The following BSN variants were observed in gnomAD, a reference collection of about 807,000 sequenced individuals.
The protein encoded by BSN is protein bassoon.
A neutral mutation model predicts 264.8 loss-of-function variants in BSN; 57 were observed. The observed-to-expected ratio is 0.22, with a 90% CI of 0.17 to 0.27. BSN has a LOEUF of 0.27. Ranked by LOEUF, BSN falls within the 10% of genes least tolerant of loss-of-function variation. The pLI is 1.00. For missense variants in BSN, 4,615 were observed against 5,232.5 expected (o/e 0.88, Z 3.64); for synonymous variants, 2,059 against 2,137.3 (o/e 0.96, Z 1.01).
chr3:49,643,003 A>C lies in BSN; in HGVS notation c.1369A>C (p.Thr457Pro), dbSNP rs753283069. Residue 457 changes from threonine (T) to proline (P), a missense_variant, in exon 3 of 12, where the codon ACC becomes CCC. Thr to Pro is a conservative substitution (Grantham distance 38). Transcript: ENST00000296452. ...AASKAAAKPK[T>P]MPKERAICPL... Reference sequence around the variant, plus strand: ...ATCGAAGGCTGCTGCCAAGCCAAAGACCATGCCGAAGGAAAGGGCCATCTG... The same window carrying C: ...ATCGAAGGCTGCTGCCAAGCCAAAGCCCATGCCGAAGGAAAGGGCCATCTG... 2 of 1,613,954 alleles carry C rather than the reference A, an allele frequency of 1.2e-6. No homozygotes were observed. Among genetic ancestry groups the C allele is most frequent in the Non-Finnish European group, 1.7e-6 (2 of 1,180,014 alleles).
In BSN at chr3:49,663,412, G is replaced by A; in HGVS notation, c.11254G>A (p.Ala3752Thr). The A allele has an allele frequency of 1.9e-6, 3 of 1,612,822 alleles. No individual in the cohort carries two copies. Among genetic ancestry groups the A allele is most frequent in the Non-Finnish European group, 2.5e-6 (3 of 1,179,992 alleles). The change falls in exon 7 of 12, where the codon GCA (alanine) becomes ACA (threonine). Residue 3752 changes from alanine (A) to threonine (T), a missense_variant. Physicochemically the swap from Ala to Thr is moderately conservative, Grantham distance 58. Coordinates refer to ENST00000296452, the MANE Select transcript of BSN (RefSeq NM_003458.4). ...GCAGCCGCAGCTGCAAGGTCGGCAG[G>A]CAGCTCCAGGACCACAGCAGTCACA... is the stretch of plus-strand genomic sequence containing the variant. ...QAQPQLQGRQ[A>T]APGPQQSQSP...
chr3:49,656,618 C>T lies in BSN; in HGVS notation c.7062C>T (p.Phe2354=), dbSNP rs755279303. The stretch of plus-strand genomic sequence containing the variant: ...GTGGGGCCCTCAGCCGGCCAGGGTT[C>T]GAGAAAGAGGAAGCATCACAGGAGG... ...GGSGALSRPG[F]EKEEASQEER... is the part of the protein sequence containing the mutation. Residue 2354 remains phenylalanine (F), a synonymous_variant, in exon 5 of 12, where the codon TTC becomes TTT. Transcript: ENST00000296452. 28 of 1,607,814 alleles carry T rather than the reference C, an allele frequency of 1.7e-5. No homozygotes were observed. The highest frequency in any genetic ancestry group is 2.7e-5 in the African/African-American group (2 of 74,808).
chr3:49,640,899 G>A (rs1324564890), intron 2 of BSN: 1 of 152,322 alleles, frequency 6.6e-6, no homozygotes, highest in Non-Finnish European at 1.5e-5. Flanking sequence ...GGGGCAGAGG[G>A]AATAAGGAGT....
Position 49,625,033 on chromosome 3 carries a change from A to G in BSN, c.283A>G (p.Thr95Ala), listed in dbSNP as rs777512475. ...PLGNQRAASP[T>A]PKQASATTPG... ...GGGTAACCAGAGAGCAGCTTCCCCA[A>G]CTCCGAAGCAGGCTTCTGCTACCAC... The change falls in exon 2 of 12, where the codon ACT becomes GCT. Residue 95 changes from threonine to alanine, a missense_variant. By Grantham distance (58) the Thr-to-Ala change is moderately conservative. Coordinates refer to ENST00000296452, the MANE Select transcript of BSN (RefSeq NM_003458.4). This position sits in a 1 kb window ranked among gnomAD's most constrained non-coding sequence, Gnocchi z 4.4. The G allele has an allele frequency of 4.4e-5, 70 of 1,584,930 alleles. No individual in the cohort carries two copies. Among genetic ancestry groups the G allele is most frequent in the Non-Finnish European group, 6.0e-5 (70 of 1,168,442 alleles).
In BSN at chr3:49,652,271, T is replaced by C; in HGVS notation, c.2715T>C (p.Tyr905=). The change falls in exon 5 of 12, where the codon TAT becomes TAC. Residue 905 remains tyrosine, a synonymous_variant. Coordinates refer to ENST00000296452, the MANE Select transcript of BSN (RefSeq NM_003458.4). ...RRLPHNATTG[Y]EELLPEGGSA... ...TGCCCCACAATGCCACCACGGGCTA[T>C]GAGGAGCTGCTCCCTGAGGGAGGCT... 6.2e-7 allele frequency: 1 copy of C among 1,601,244 alleles called. No individual in the cohort carries two copies. Among genetic ancestry groups the C allele is most frequent in the Non-Finnish European group, 8.5e-7 (1 of 1,172,780 alleles).
chr3:49,596,394 A>G (rs2052023081), intron 1 of BSN, among the ~76,000 whole-genome samples: 2 of 152,068 alleles, frequency 1.3e-5, no homozygotes, highest in African/African-American at 4.8e-5. Context: ...ACAGAGCGAG[A>G]CTCCGTCTCA....
At chr3:49,577,606 C>G (rs1158695140) in intron 1 of BSN, among the ~76,000 whole-genome samples, 1 of 150,940 alleles carries the variant, frequency 6.6e-6, no homozygotes, top group African/African-American at 2.4e-5. Context: ...GTGGCATGAT[C>G]ATGGCTTACT....
chr3:49,658,702 CG>C (rs1184044182), intron 5 of BSN, among the ~76,000 whole-genome samples: 2 of 152,212 alleles, frequency 1.3e-5, no homozygotes, highest in Non-Finnish European at 2.9e-5. Context: ...CCCATCCCAG[CG>C]GGCTGCAGTG....
intron 1 of BSN, among the ~76,000 whole-genome samples, chr3:49,601,302 G>T (rs1018806725): frequency 1.3e-5 from 2 of 152,222 alleles, no homozygotes; most frequent in Non-Finnish European, 2.9e-5. Flanking sequence ...GCAATCGTTA[G>T]AGCCACCTGG....
Position 49,664,565 on chromosome 3 carries a change from C to A in BSN, c.11740+11C>A. The A allele has an allele frequency of 6.3e-7, 1 of 1,587,488 alleles. No individual in the cohort carries two copies. Among genetic ancestry groups the A allele is most frequent in the South Asian group, 1.2e-5 (1 of 86,600 alleles). On this transcript the variant is annotated intron_variant, in intron 9 of 11. Transcript: ENST00000296452. ...GCAAACTGACGGAAGGTATGCACTG[C>A]CTGCAACTGGTCTGTGGTGGGTGGC...
intron 8 of BSN, among the ~76,000 whole-genome samples, chr3:49,664,203 T>C (rs1326661595): frequency 6.6e-6 from 1 of 152,134 alleles, no homozygotes; most frequent in African/African-American, 2.4e-5. Flanking sequence ...TGCCTTTTTT[T>C]CCCTTTCTTC....
At chr3:49,565,861 G>C (rs1300437138) in intron 1 of BSN, among the ~76,000 whole-genome samples, 15 of 151,598 alleles carry the variant, frequency 9.9e-5, no homozygotes, top group Non-Finnish European at 4.4e-5. Flanking sequence ...TCGCCCTATT[G>C]CCTAGGCTAG....
At chr3:49,649,372 C>T (rs564986945) in intron 3 of BSN, among the ~76,000 whole-genome samples, 5 of 152,200 alleles carry the variant, frequency 3.3e-5, no homozygotes, top group South Asian at 2.1e-4. Context: ...CCCTGCAGGA[C>T]GGATGGAGCA....
rs1242032082 is a variant in BSN, at chr3:49,656,899, A to G, written c.7343A>G (p.Gln2448Arg). The G allele has an allele frequency of 6.2e-7, 1 of 1,600,558 alleles. No individual in the cohort carries two copies. ...CTGCAGCGGGAACAGCTAGCGCAGC[A>G]GCGTCTGCAGCTGGAGCAGATCCAG... The part of the protein sequence containing the change: ...FALQREQLAQ[Q>R]RLQLEQIQQL... The change falls in exon 5 of 12, where the codon CAG (glutamine) becomes CGG (arginine). Residue 2448 changes from glutamine to arginine, a missense_variant. Coordinates refer to ENST00000296452, the MANE Select transcript of BSN (RefSeq NM_003458.4).
At chr3:49,650,588 AC>A in intron 3 of BSN, 23 bp from the exon 4 acceptor site, 1 of 1,566,520 alleles carries the variant, frequency 6.4e-7, no homozygotes, top group Non-Finnish European at 8.6e-7. Context: ...ATTTTCATCA[AC>A]CCCCTCTCCC....
At chr3:49,593,762 A>G (rs1157993217) in intron 1 of BSN, among the ~76,000 whole-genome samples, 2 of 120,904 alleles carry the variant, frequency 1.7e-5, no homozygotes, top group Non-Finnish European at 3.6e-5. Context: ...GGTTCTTTAT[A>G]TATTCTAGAT....
At chr3:49,596,608 G>A in intron 1 of BSN, among the ~76,000 whole-genome samples, 1 of 152,058 alleles carries the variant, frequency 6.6e-6, no homozygotes, top group East Asian at 1.9e-4. Flanking sequence ...TCCTGCCTCG[G>A]CCTCCCAAAG....
chr3:49,656,349 A>C lies in BSN; in HGVS notation c.6793A>C (p.Ser2265Arg). 6.2e-7 allele frequency: 1 copy of C among 1,607,124 alleles called. No homozygotes were observed. The highest frequency in any genetic ancestry group is 8.5e-7 in the Non-Finnish European group (1 of 1,176,538). The change falls in exon 5 of 12, where the codon AGT becomes CGT. Residue 2265 changes from serine to arginine, a missense_variant. This residue lies in a region of BSN where 3,415 missense variants were observed against 3,866.4 expected (regional missense o/e 0.88). Coordinates refer to ENST00000296452, the MANE Select transcript of BSN (RefSeq NM_003458.4). ...PTGLYRYPAP[S>R]RFPIASSVPP... ...AGGGCTGTACCGCTATCCTGCACCA[A>C]GTAGATTTCCCATTGCTTCCAGTGT...
intron 1 of BSN, among the ~76,000 whole-genome samples, chr3:49,588,259 C>T (rs2108021522): frequency 6.6e-6 from 1 of 152,142 alleles, no homozygotes; most frequent in South Asian, 2.1e-4. Flanking sequence ...GAAGTCAGTG[C>T]AAATTGACCT....
Sources: gnomAD v4.1 joint callset for allele counts (sites outside exome capture counted in the v4.1 genomes callset) on GRCh38, gnomAD v4.1.1 for gene constraint, gnomAD v4.1.1 regional missense constraint, Gnocchi (gnomAD v3.1) non-coding constraint, MANE v1.5 for transcripts, NCBI Gene and HGNC (gene_info 2026-07-23, HGNC 2026-07-21) for gene names.